FRYL: variants seen among roughly 807,000 people sequenced by gnomAD.
The protein encoded by FRYL is FRY like transcription coactivator.
Under a neutral mutation model 351.2 loss-of-function variants are expected in FRYL, and 150 were observed. That is an observed-to-expected ratio of 0.43 (90% CI 0.37 to 0.49). The LOEUF (loss-of-function observed/expected upper bound fraction) is 0.49, where lower values mean the gene tolerates loss of function less well. Ranked by LOEUF, FRYL falls within the 20% of genes least tolerant of loss-of-function variation. The pLI, the probability that FRYL is intolerant of heterozygous loss-of-function variation, is 0.00. For synonymous variants in FRYL, 1,153 were observed against 1,257.1 expected, an observed-to-expected ratio of 0.92 and a Z score of 1.75; for missense variants, 3,036 against 3,619.3, an observed-to-expected ratio of 0.84 and a Z score of 4.13.
rs116806853 is a variant in FRYL, at chr4:48,746,117, C to T, written c.-384+33961G>A. Among the ~76,000 whole-genome samples the T allele has an allele frequency of 3.5e-3, 536 of 152,282 alleles. 2 individuals carry two copies. The highest frequency in any genetic ancestry group is 0.012 in the African/African-American group (496 of 41,566). Reference sequence around the variant, plus strand: ...ATGTTTCAAATCAATCAAGCACCTCCGTGCGTGAACAGCAAAGGCACATAC... The same window carrying T: ...ATGTTTCAAATCAATCAAGCACCTCTGTGCGTGAACAGCAAAGGCACATAC... On this transcript the variant is annotated intron_variant, in intron 1 of 63. Coordinates refer to ENST00000358350, the MANE Select transcript of FRYL (RefSeq NM_015030.2).
chr4:48,748,647 A>AT (rs1362086920), intron 1 of FRYL, among the ~76,000 whole-genome samples: 1 of 152,222 alleles, frequency 6.6e-6, no homozygotes, highest in Non-Finnish European at 1.5e-5. Context: ...AAGAAAAAAA[A>AT]TAAAAACCAA....
intron 11 of FRYL, among the ~76,000 whole-genome samples, chr4:48,604,978 C>T (rs1746473330): frequency 6.6e-6 from 1 of 152,066 alleles, no homozygotes; most frequent in Admixed American, 6.5e-5. Context: ...AAGGGATAAA[C>T]AGTAATTCAA....
At chr4:48,767,289 C>A (rs1034371274) in intron 1 of FRYL, among the ~76,000 whole-genome samples, 1 of 151,984 alleles carries the variant, frequency 6.6e-6, no homozygotes, top group Admixed American at 6.6e-5. Flanking sequence ...TTTCAAAGGA[C>A]AACAGCCAGA....
chr4:48,575,520 C>G (rs1739413821), intron 24 of FRYL, among the ~76,000 whole-genome samples: 1 of 152,168 alleles, frequency 6.6e-6, no homozygotes, highest in South Asian at 2.1e-4. Context: ...TACTCTGTAC[C>G]TTTTGGTCCA....
chr4:48,520,788 T>C (rs1216997993), intron 55 of FRYL: 3 of 314,882 alleles, frequency 9.5e-6, no homozygotes, highest in Non-Finnish European at 1.7e-5. Flanking sequence ...GAGAAGCGTC[T>C]GTACATTAAC....
rs573698275 is a variant in FRYL, at chr4:48,737,334, T to C, written c.-383-26636A>G. 2.0e-5 allele frequency among the ~76,000 whole-genome samples: 3 copies of C among 150,950 alleles called. No individual in the cohort carries two copies. In the Admixed American group the frequency reaches 2.0e-4, roughly 10 times the overall value. On this transcript the variant is annotated intron_variant, in intron 1 of 63. Coordinates refer to ENST00000358350, the MANE Select transcript of FRYL (RefSeq NM_015030.2). ...GATTCCATAAACATTAAAAGAATAA[T>C]TAAGGAATACTATGAACAATGCTTT...
intron 57 of FRYL, among the ~76,000 whole-genome samples, chr4:48,511,737 C>A (rs569198477): frequency 1.3e-5 from 2 of 152,042 alleles, no homozygotes; most frequent in Non-Finnish European, 2.9e-5. Context: ...AAAGAACTTC[C>A]AGGATGAGAG....
At chr4:48,584,983 C>T (rs990677428) in intron 19 of FRYL, among the ~76,000 whole-genome samples, 16 of 152,278 alleles carry the variant, frequency 1.1e-4, no homozygotes, top group African/African-American at 2.9e-4. Flanking sequence ...AGCAAATTGT[C>T]ATTCACTATT....
intron 1 of FRYL, among the ~76,000 whole-genome samples, chr4:48,747,277 G>C (rs1353756661): frequency 3.3e-5 from 5 of 151,982 alleles, no homozygotes; most frequent in Admixed American, 2.6e-4. Context: ...TTTAAAGTGA[G>C]TGATAAGGGG....
chr4:48,773,743 T>C (rs1775746523), intron 1 of FRYL, among the ~76,000 whole-genome samples: 1 of 152,160 alleles, frequency 6.6e-6, no homozygotes, highest in Non-Finnish European at 1.5e-5. Flanking sequence ...CTAGGCAACA[T>C]GGCAAGATCC....
chr4:48,589,770 T>A lies in FRYL; in HGVS notation c.1615A>T (p.Asn539Tyr). The part of the protein sequence containing the change: ...PMCMTSVQMS[N>Y]KEPEDMITGE... Reference sequence around the variant, plus strand: ...GTAATCATGTCTTCAGGCTCCTTATTAGACATCTGCACACTGGTCATACAC... The same window carrying A: ...GTAATCATGTCTTCAGGCTCCTTATAAGACATCTGCACACTGGTCATACAC... Residue 539 changes from asparagine (N) to tyrosine (Y), a missense_variant, in exon 18 of 64, where the codon AAT becomes TAT. By Grantham distance (143) the Asn-to-Tyr change is moderately radical. Around this residue, in one of 7 missense-constraint regions of FRYL, gnomAD observed 78 missense variants for 106.6 expected, o/e 0.73. Transcript: ENST00000358350. The A allele has an allele frequency of 6.2e-7, 1 of 1,613,828 alleles. No homozygotes were observed. The highest frequency in any genetic ancestry group is 8.5e-7 in the Non-Finnish European group (1 of 1,179,860).
At chr4:48,777,079 T>A (rs556312895) in intron 1 of FRYL, among the ~76,000 whole-genome samples, 1 of 152,298 alleles carries the variant, frequency 6.6e-6, no homozygotes, top group South Asian at 2.1e-4. Context: ...AAGACTGTCA[T>A]CCAGTTCTAC....
At chr4:48,542,631 G>T (rs573184649) in intron 44 of FRYL, among the ~76,000 whole-genome samples, 34 of 152,296 alleles carry the variant, frequency 2.2e-4, no homozygotes, top group Non-Finnish European at 4.4e-4. Context: ...GGCCAGGGTG[G>T]TCTCGAACTC....
At chr4:48,753,728 AT>A (rs1773484277) in intron 1 of FRYL, among the ~76,000 whole-genome samples, 1 of 139,542 alleles carries the variant, frequency 7.2e-6, no homozygotes, top group Non-Finnish European at 1.5e-5. Context: ...GTCAACCAAG[AT>A]TTGCTCATAT....
At position 48,499,618 on chromosome 4, in the gene FRYL, T is replaced by C. The variant is rs767102072; in HGVS notation, c.8846A>G (p.His2949Arg). ...CAGCGTCTGATGATGGAAATATATA[T>C]GTAACAGTGTCTGTACAGGGTCATC... ...CEDDPVQTLL[H>R]IYFHHQTLGQ... The change falls in exon 64 of 64, where the codon CAT (histidine) becomes CGT (arginine). Residue 2949 changes from histidine (H) to arginine (R), a missense_variant. His to Arg is a conservative substitution (Grantham distance 29). Transcript: ENST00000358350. The C allele has an allele frequency of 7.4e-6, 12 of 1,614,056 alleles. No individual in the cohort carries two copies. In the South Asian group the frequency reaches 9.9e-5, roughly 13 times the overall value.
intron 3 of FRYL, among the ~76,000 whole-genome samples, chr4:48,641,412 T>A (rs1225332580): frequency 6.6e-6 from 1 of 152,086 alleles, no homozygotes; most frequent in East Asian, 1.9e-4. Context: ...ACAAATCTAT[T>A]CTTATTTCAA....
At chr4:48,598,943 G>A in intron 13 of FRYL, 1 of 625,090 alleles carries the variant, frequency 1.6e-6, no homozygotes, top group Non-Finnish European at 2.0e-6. Flanking sequence ...ATGAAAATAA[G>A]CACAAAACAA....
At chr4:48,736,366 G>A (rs1029757421) in intron 1 of FRYL, among the ~76,000 whole-genome samples, 3 of 151,898 alleles carry the variant, frequency 2.0e-5, no homozygotes, top group Non-Finnish European at 4.4e-5. Context: ...AATTAGAGTG[G>A]AAATCAACAA....
intron 1 of FRYL, among the ~76,000 whole-genome samples, chr4:48,735,886 G>A (rs1771309932): frequency 9.0e-6 from 1 of 111,604 alleles, no homozygotes; most frequent in African/African-American, 3.5e-5. Flanking sequence ...ACACATTAGT[G>A]GGTGCAGCGC....
Sources: allele counts gnomAD v4.1 joint callset (sites outside exome capture counted in the v4.1 genomes callset), GRCh38; gene constraint gnomAD v4.1.1; regional missense constraint gnomAD v4.1.1; transcripts MANE v1.5; gene names NCBI Gene and HGNC (gene_info 2026-07-23, HGNC 2026-07-21).